Variants in POFUT3 observed in about 807,000 individuals in gnomAD.
The protein encoded by POFUT3 is protein O-fucosyltransferase 3.
chr8:33,330,643 G>A, the POFUT3 span, among the ~76,000 whole-genome samples: 5 of 152,148 alleles, frequency 3.3e-5, no homozygotes, highest in Non-Finnish European at 7.3e-5. Flanking sequence ...TGTTGCACAA[G>A]TGACTTAACA....
chr8:33,377,015 G>A, the POFUT3 span, among the ~76,000 whole-genome samples: 13 of 152,084 alleles, frequency 8.5e-5, no homozygotes, highest in Non-Finnish European at 1.3e-4. Context: ...GGTGGATCAC[G>A]AGGTCAAGAG....
chr8:33,395,664 C>G, the POFUT3 span, among the ~76,000 whole-genome samples: 60 of 152,194 alleles, frequency 3.9e-4, no homozygotes, highest in African/African-American at 1.4e-3. Flanking sequence ...AACTGACTCT[C>G]CACTGAGCTG....
the POFUT3 span, among the ~76,000 whole-genome samples, chr8:33,416,985 T>C: frequency 1.2e-4 from 18 of 152,160 alleles, no homozygotes; most frequent in Admixed American, 1.2e-3. Flanking sequence ...CCGGTATCCA[T>C]CCGTAGCCTG....
the POFUT3 span, among the ~76,000 whole-genome samples, chr8:33,373,955 T>C: frequency 2.0e-5 from 3 of 152,304 alleles, no homozygotes; most frequent in Middle Eastern, 3.4e-3. Context: ...ATACGTTATG[T>C]TGGTATAATG....
the POFUT3 span, among the ~76,000 whole-genome samples, chr8:33,403,549 C>G: frequency 6.6e-6 from 1 of 151,856 alleles, no homozygotes; most frequent in Non-Finnish European, 1.5e-5. Context: ...GACCCTGTCT[C>G]TACAAAAAAA....
the POFUT3 span, among the ~76,000 whole-genome samples, chr8:33,400,892 T>C: frequency 6.6e-6 from 1 of 152,208 alleles, no homozygotes; most frequent in South Asian, 2.1e-4. Flanking sequence ...CGCCACGTTT[T>C]AATGTTGATG....
At chr8:33,355,941 G>A in the POFUT3 span, among the ~76,000 whole-genome samples, 5 of 152,134 alleles carry the variant, frequency 3.3e-5, no homozygotes, top group East Asian at 1.9e-4. Context: ...TTGTTCTTGC[G>A]ATAGTTTACT....
the POFUT3 span, among the ~76,000 whole-genome samples, chr8:33,320,328 A>G: frequency 1.3e-5 from 2 of 152,078 alleles, no homozygotes; most frequent in Non-Finnish European, 2.9e-5. Flanking sequence ...TAATATTCCA[A>G]TAATTTGCAA....
chr8:33,461,557 C>T, the POFUT3 span: 2 of 1,576,560 alleles, frequency 1.3e-6, no homozygotes, highest in Admixed American at 1.8e-5. Context: ...CATCTGGGCG[C>T]CAATTTCCTG....
the POFUT3 span, among the ~76,000 whole-genome samples, chr8:33,320,235 C>T: frequency 6.6e-6 from 1 of 151,816 alleles, no homozygotes; most frequent in African/African-American, 2.4e-5. Context: ...TTTTTGTGTT[C>T]ACTTCTCAAA....
the POFUT3 span, among the ~76,000 whole-genome samples, chr8:33,456,550 G>A: frequency 6.6e-6 from 1 of 151,606 alleles, no homozygotes; most frequent in African/African-American, 2.4e-5. Flanking sequence ...AGTAGAGACA[G>A]GGTTTCATCA....
the POFUT3 span, among the ~76,000 whole-genome samples, chr8:33,421,994 G>A: frequency 1.3e-5 from 1 of 76,944 alleles, no homozygotes; most frequent in African/African-American, 8.4e-5. Context: ...AATGGTTTTT[G>A]TCTAAAAAAA....
the POFUT3 span, among the ~76,000 whole-genome samples, chr8:33,396,286 G>A: frequency 6.6e-6 from 1 of 152,086 alleles, no homozygotes; most frequent in African/African-American, 2.4e-5. Flanking sequence ...TTCTCTTTCT[G>A]TATTTTGCTC....
the POFUT3 span, among the ~76,000 whole-genome samples, chr8:33,470,162 C>T: frequency 2.7e-5 from 4 of 146,906 alleles, no homozygotes; most frequent in African/African-American, 5.1e-5. Flanking sequence ...CACTTTGAGA[C>T]GCCGAGGTGG....
At chr8:33,373,145 C>T in the POFUT3 span, among the ~76,000 whole-genome samples, 2 of 152,092 alleles carry the variant, frequency 1.3e-5, no homozygotes, top group African/African-American at 2.4e-5. Flanking sequence ...CCCCTATTAT[C>T]CCACCCCTAT....
At chr8:33,464,050 CT>C in the POFUT3 span, among the ~76,000 whole-genome samples, 2 of 152,278 alleles carry the variant, frequency 1.3e-5, no homozygotes, top group African/African-American at 4.8e-5. Flanking sequence ...CCATAACTCA[CT>C]TTCCAAAAGT....
At chr8:33,332,858 G>T in the POFUT3 span, among the ~76,000 whole-genome samples, 1 of 152,014 alleles carries the variant, frequency 6.6e-6, no homozygotes, top group Non-Finnish European at 1.5e-5. Flanking sequence ...AGTCTCTTTT[G>T]CCCCAGCCCT....
the POFUT3 span, among the ~76,000 whole-genome samples, chr8:33,441,870 T>C: frequency 6.6e-6 from 1 of 152,188 alleles, no homozygotes; most frequent in African/African-American, 2.4e-5. Flanking sequence ...TCAATTGCTG[T>C]AGCTGCAGTA....
chr8:33,461,251 C>A, the POFUT3 span: 1 of 987,258 alleles, frequency 1.0e-6, no homozygotes, highest in African/African-American at 1.6e-5. Context: ...GGAACCAACC[C>A]TGATCCTGAA....
Sources: gnomAD v4.1 joint callset for allele counts (sites outside exome capture counted in the v4.1 genomes callset) on GRCh38, gnomAD v4.1.1 for gene constraint, MANE v1.5 for transcripts, NCBI Gene and HGNC (gene_info 2026-07-23, HGNC 2026-07-21) for gene names.